The following UGT2B7 variants were observed in gnomAD, a reference collection of about 807,000 sequenced individuals.
The protein encoded by UGT2B7 is UDP glucuronosyltransferase family 2 member B7.
A neutral mutation model predicts 51.9 loss-of-function variants in UGT2B7; 51 were observed. That is an observed-to-expected ratio of 0.98 (90% CI 0.78 to 1.24). The LOEUF (loss-of-function observed/expected upper bound fraction) is 1.24, where lower values mean the gene tolerates loss of function less well. UGT2B7 is among the 50% of genes most tolerant of loss of function. The pLI is 0.00. For synonymous variants in UGT2B7, 225 were observed against 211.6 expected, an observed-to-expected ratio of 1.06 and a Z score of -0.55; for missense variants, 727 against 628.4, an observed-to-expected ratio of 1.16 and a Z score of -1.68.
intron 1 of UGT2B7, among the ~76,000 whole-genome samples, chr4:69,063,674 G>A (rs1363757902): frequency 6.6e-6 from 1 of 152,184 alleles, no homozygotes; most frequent in Non-Finnish European, 1.5e-5. Context: ...CCAGGATGTG[G>A]AAGATAGCTC....
intron 1 of UGT2B7, among the ~76,000 whole-genome samples, chr4:69,073,527 A>G (rs1008601853): frequency 1.3e-5 from 2 of 152,186 alleles, no homozygotes; most frequent in African/African-American, 2.4e-5. Context: ...AGGTTGATAA[A>G]GGTCAGATAA....
chr4:69,069,935 C>T (rs1718565248), intron 1 of UGT2B7: 1 of 152,004 alleles, frequency 6.6e-6, no homozygotes, highest in Non-Finnish European at 1.5e-5. Flanking sequence ...GAAAATCATG[C>T]CATTTAATGT....
chr4:69,082,578 C>T (rs184988611), intron 1 of UGT2B7, among the ~76,000 whole-genome samples: 3 of 152,116 alleles, frequency 2.0e-5, no homozygotes, highest in African/African-American at 7.2e-5. Flanking sequence ...GAGCAAGACC[C>T]TACCTCTTTT....
chr4:69,096,700 T>G lies in UGT2B7; in HGVS notation c.180T>G (p.Ala60=). ...GHEVTVLASS[A]SILFDPNNSS... is the part of the protein sequence containing the mutation. ...AGGTGACTGTACTGGCATCTTCAGC[T>G]TCCATTCTTTTTGATCCCAACAACT... The change falls in exon 1 of 6, where the codon GCT becomes GCG. Residue 60 remains alanine, a synonymous_variant. Coordinates refer to ENST00000305231, the MANE Select transcript of UGT2B7 (RefSeq NM_001074.4). The G allele has an allele frequency of 6.2e-7, 1 of 1,614,032 alleles. No individual in the cohort carries two copies. Among genetic ancestry groups the G allele is most frequent in the Non-Finnish European group, 8.5e-7 (1 of 1,179,934 alleles).
At chr4:69,054,661 G>C (rs1324679322) in intron 1 of UGT2B7, among the ~76,000 whole-genome samples, 1 of 151,756 alleles carries the variant, frequency 6.6e-6, no homozygotes, top group Non-Finnish European at 1.5e-5. Context: ...AGTAGACTAG[G>C]AGTTGTATGT....
intron 1 of UGT2B7, among the ~76,000 whole-genome samples, chr4:69,054,282 C>G (rs1287478857): frequency 6.6e-6 from 1 of 152,042 alleles, no homozygotes; most frequent in African/African-American, 2.4e-5. Context: ...AGGCCAGTGG[C>G]CTATCTCTCA....
At chr4:69,094,301 G>A (rs1313154616), upstream of UGT2B7, among the ~76,000 whole-genome samples, 1 of 85,252 alleles carries the variant, frequency 1.2e-5, no homozygotes, top group Middle Eastern at 5.3e-3. Flanking sequence ...TACCACGCCC[G>A]GCTAATTTTT....
At chr4:69,064,384 C>G (rs1176368523) in intron 1 of UGT2B7, among the ~76,000 whole-genome samples, 1 of 152,160 alleles carries the variant, frequency 6.6e-6, no homozygotes, top group Non-Finnish European at 1.5e-5. Context: ...CTAGTAACTT[C>G]AAGTATTCTG....
Position 69,101,613 on chromosome 4 carries a change from A to T in UGT2B7, c.871-1194A>T, listed in dbSNP as rs568013178. On this transcript the variant is annotated intron_variant, in intron 2 of 5. Transcript: ENST00000305231. Reference sequence around the variant, plus strand: ...CAAGTATTACCTGGAATAGCAGTACAATGACTCTCATGTTAAGATTAAAAA... The same window carrying T: ...CAAGTATTACCTGGAATAGCAGTACTATGACTCTCATGTTAAGATTAAAAA... Among the ~76,000 whole-genome samples, 5 of 148,866 alleles carry T rather than the reference A, an allele frequency of 3.4e-5. 1 individual carries two copies. Among genetic ancestry groups the T allele is most frequent in the Non-Finnish European group, 7.4e-5 (5 of 67,680 alleles).
At chr4:69,060,067 A>T (rs1393565697) in intron 1 of UGT2B7, among the ~76,000 whole-genome samples, 1 of 152,218 alleles carries the variant, frequency 6.6e-6, no homozygotes, top group African/African-American at 2.4e-5. Context: ...CAGGCCTCAG[A>T]CCTTAAAGCA....
At chr4:69,053,329 T>C (rs188674293) in intron 1 of UGT2B7, among the ~76,000 whole-genome samples, 2 of 152,328 alleles carry the variant, frequency 1.3e-5, no homozygotes, top group African/African-American at 4.8e-5. Context: ...AAAGGAAACA[T>C]TCATTTTACT....
At position 69,107,207 on chromosome 4, in the gene UGT2B7, T is replaced by A. The variant is rs147582860; in HGVS notation, c.1035T>A (p.Asp345Glu). ...GGAGATTTGATGGGAATAAACCAGA[T>A]ACCTTAGGTCTCAATACTCGGCTCT... ...VLWRFDGNKPDTLGLNTRLYK... is the reference protein window; with the variant it reads ...VLWRFDGNKPETLGLNTRLYK... The change falls in exon 4 of 6, where the codon GAT (aspartate) becomes GAA (glutamate). Residue 345 changes from aspartate to glutamate, a missense_variant. Transcript: ENST00000305231. The A allele has an allele frequency of 7.8e-5, 125 of 1,609,456 alleles. No individual in the cohort carries two copies. The highest frequency in any genetic ancestry group is 1.0e-4 in the Non-Finnish European group (119 of 1,177,236).
At position 69,107,301 on chromosome 4, in the gene UGT2B7, C is replaced by T. The variant is rs1719631535; in HGVS notation, c.1090+39C>T. On this transcript the variant is annotated intron_variant, in intron 4 of 5. Transcript: ENST00000305231. ...GAACAAATACTGAATATATTAGTAA[C>T]AGCACATTAGAGTGTTAATAGTTCA... 4.5e-6 allele frequency: 7 copies of T among 1,555,838 alleles called. No homozygotes were observed. In the East Asian group the frequency reaches 1.6e-4, roughly 35 times the overall value.
upstream of UGT2B7, chr4:69,096,380 A>C: frequency 7.5e-7 from 1 of 1,328,990 alleles, no homozygotes; most frequent in Non-Finnish European, 1.0e-6. Flanking sequence ...ACATGCTCAG[A>C]CTGTTGATTT....
intron 1 of UGT2B7, among the ~76,000 whole-genome samples, chr4:69,057,306 TGAG>T (rs1453671276): frequency 6.6e-6 from 1 of 152,164 alleles, no homozygotes; most frequent in Non-Finnish European, 1.5e-5. Context: ...ACTCGGTGTC[TGAG>T]AAGTTTTGCC....
intron 1 of UGT2B7, among the ~76,000 whole-genome samples, chr4:69,084,740 AG>A (rs1288519138): frequency 1.3e-5 from 2 of 152,062 alleles, no homozygotes; most frequent in African/African-American, 4.8e-5. Flanking sequence ...TTCCTGTGTT[AG>A]TTTGCTGAGA....
chr4:69,056,913 C>T (rs1718217433), intron 1 of UGT2B7, among the ~76,000 whole-genome samples: 1 of 152,166 alleles, frequency 6.6e-6, no homozygotes, highest in Non-Finnish European at 1.5e-5. Context: ...TCCTCAGTAC[C>T]TGTTTTAAGA....
chr4:69,074,427 A>ATATATATATATATATATAT (rs1718660162), intron 1 of UGT2B7, among the ~76,000 whole-genome samples: 1 of 116,068 alleles, frequency 8.6e-6, no homozygotes, highest in African/African-American at 3.3e-5. Context: ...CCTTATCTTA[A>ATATATATATATATATATAT]ATATATATAT....
chr4:69,073,200 C>G (rs1434268384), intron 1 of UGT2B7, among the ~76,000 whole-genome samples: 1 of 152,130 alleles, frequency 6.6e-6, no homozygotes, highest in Non-Finnish European at 1.5e-5. Flanking sequence ...ATTCATACTC[C>G]CAACAAATCA....
Sources: gnomAD v4.1 joint callset for allele counts (sites outside exome capture counted in the v4.1 genomes callset) on GRCh38, gnomAD v4.1.1 for gene constraint, MANE v1.5 for transcripts, NCBI Gene and HGNC (gene_info 2026-07-23, HGNC 2026-07-21) for gene names.